The following KLHDC1 variants were observed in gnomAD, a reference collection of about 807,000 sequenced individuals.
KLHDC1 encodes kelch domain-containing protein 1.
A neutral mutation model predicts 68.3 loss-of-function variants in KLHDC1; 53 were observed. The ratio of observed to expected loss-of-function variants is 0.78; its 90% CI spans 0.62 to 0.98. KLHDC1 has a LOEUF of 0.98. Among genes scored for constraint, KLHDC1 ranks in the 50% least tolerant of loss-of-function variants. The probability of loss-of-function intolerance (pLI) is 0.00; values close to 1 mark genes in which losing one functional copy is unlikely to be tolerated. For missense variants in KLHDC1, 470 were observed against 492.3 expected (o/e 0.95, Z 0.43); for synonymous variants, 148 against 159.0 (o/e 0.93, Z 0.52).
chr14:49,725,434 A>G (rs1232395213), intron 5 of KLHDC1, among the ~76,000 whole-genome samples: 3 of 152,310 alleles, frequency 2.0e-5, no homozygotes, highest in African/African-American at 7.2e-5. Flanking sequence ...AAATTGAAAG[A>G]TTGTCAACAA....
At chr14:49,719,017 G>A (rs1304043998) in intron 4 of KLHDC1, among the ~76,000 whole-genome samples, 2 of 151,650 alleles carry the variant, frequency 1.3e-5, no homozygotes, top group Admixed American at 1.3e-4. Context: ...AACCTCAAGT[G>A]ATCAGCCTGC....
At chr14:49,728,672 T>A (rs1888729683) in intron 6 of KLHDC1, among the ~76,000 whole-genome samples, 1 of 152,190 alleles carries the variant, frequency 6.6e-6, no homozygotes, top group African/African-American at 2.4e-5. Flanking sequence ...GAAACCTTAT[T>A]TTGCTAAATA....
intron 8 of KLHDC1, among the ~76,000 whole-genome samples, chr14:49,732,236 A>G (rs1223022238): frequency 6.6e-6 from 1 of 151,488 alleles, no homozygotes; most frequent in Non-Finnish European, 1.5e-5. Flanking sequence ...GCAGTGGTGC[A>G]ATCTTGGCTC....
chr14:49,707,446 C>G (rs1401076922), intron 1 of KLHDC1, among the ~76,000 whole-genome samples: 3 of 141,088 alleles, frequency 2.1e-5, no homozygotes, highest in African/African-American at 8.0e-5. Flanking sequence ...CTCCGGGGTT[C>G]AAGCGATTCT....
intron 4 of KLHDC1, among the ~76,000 whole-genome samples, chr14:49,714,804 A>G (rs1178387035): frequency 6.7e-6 from 1 of 149,688 alleles, no homozygotes; most frequent in Non-Finnish European, 1.5e-5. Context: ...TATATGTTAT[A>G]TAACATATAC....
chr14:49,743,705 T>C (rs1265701370), intron 11 of KLHDC1, 48 bp from the exon 12 acceptor site: 1 of 1,067,548 alleles, frequency 9.4e-7, no homozygotes, highest in African/African-American at 1.6e-5. Flanking sequence ...TATTAACTCA[T>C]TGTTATTTTT....
chr14:49,698,355 C>T (rs561011809), intron 1 of KLHDC1, among the ~76,000 whole-genome samples: 2 of 151,968 alleles, frequency 1.3e-5, no homozygotes, highest in East Asian at 3.9e-4. Context: ...AGGCACACAC[C>T]ACCACGCCCA....
chr14:49,743,422 G>GAA (rs1889117395), intron 11 of KLHDC1, among the ~76,000 whole-genome samples: 16 of 146,122 alleles, frequency 1.1e-4, no homozygotes, highest in African/African-American at 4.1e-4. Flanking sequence ...AAAAAGAAAA[G>GAA]AAAACCACTA....
chr14:49,736,471 G>A (rs1245451417), intron 10 of KLHDC1, among the ~76,000 whole-genome samples: 2 of 152,186 alleles, frequency 1.3e-5, no homozygotes, highest in Non-Finnish European at 2.9e-5. Flanking sequence ...AGATAAGACA[G>A]AGGCAGATCT....
intron 1 of KLHDC1, among the ~76,000 whole-genome samples, chr14:49,696,461 G>A (rs1284567675): frequency 6.6e-6 from 1 of 152,212 alleles, no homozygotes; most frequent in Non-Finnish European, 1.5e-5. Flanking sequence ...GATTACAGGT[G>A]TGAGTCACCG....
rs1188505691 is a variant in KLHDC1, at chr14:49,713,853, T to A, written c.404+3472T>A. Among the ~76,000 whole-genome samples, 8 of 73,764 alleles carry A rather than the reference T, an allele frequency of 1.1e-4. 1 individual carries two copies. The East Asian group carries it at 2.8e-3, about 26-fold the overall frequency. The allele number at this position is 73,764 out of a possible 152,430, so 48.4% of individuals were successfully genotyped here. A position where few individuals can be genotyped will look rare whatever the true frequency, so the allele number is the denominator to read the frequency against. Reference sequence around the variant, plus strand: ...ATATATATATATATATATATATATTTTTTTTTTTTTTTTTCCTGAGACAGA... The same window carrying A: ...ATATATATATATATATATATATATTATTTTTTTTTTTTTTCCTGAGACAGA... On this transcript the variant is annotated intron_variant, in intron 4 of 12. Transcript: ENST00000359332.
intron 4 of KLHDC1, among the ~76,000 whole-genome samples, chr14:49,723,551 A>C (rs1412206147): frequency 6.6e-6 from 1 of 152,188 alleles, no homozygotes; most frequent in Non-Finnish European, 1.5e-5. Flanking sequence ...AAATAAATTA[A>C]AAAAAATCTA....
intron 1 of KLHDC1, among the ~76,000 whole-genome samples, chr14:49,698,766 T>C (rs903270705): frequency 2.6e-5 from 4 of 151,904 alleles, no homozygotes; most frequent in African/African-American, 9.7e-5. Context: ...TCAGCCCACC[T>C]CGGCCTCCCA....
intron 10 of KLHDC1, among the ~76,000 whole-genome samples, chr14:49,737,864 CA>C (rs760826908): frequency 1.4e-3 from 69 of 50,272 alleles, no homozygotes; most frequent in Middle Eastern, 0.016. Context: ...GATCCTGTCT[CA>C]AAAAAAAAAA....
intron 12 of KLHDC1, 79 bp from the exon 13 acceptor site, chr14:49,751,507 G>A: frequency 2.9e-6 from 2 of 690,126 alleles, no homozygotes; most frequent in Non-Finnish European, 4.3e-6. Flanking sequence ...TGTTAAAAAA[G>A]AAAGAATTCT....
At position 49,693,157 on chromosome 14, in the gene KLHDC1, G is replaced by A. The variant is rs937371364; in HGVS notation, c.-38G>A. On this transcript the variant is annotated 5_prime_UTR_variant, in exon 1 of 13. Coordinates refer to ENST00000359332, the MANE Select transcript of KLHDC1 (RefSeq NM_172193.3). ...AGGCGAGGCCGCCGGGCGGGCAGGG[G>A]TTGTGGCGCGGCAAGCGGCGGGCCA... is the stretch of plus-strand genomic sequence containing the variant. The A allele has an allele frequency of 1.3e-6, 2 of 1,551,590 alleles. No individual in the cohort carries two copies. The highest frequency in any genetic ancestry group is 8.7e-7 in the Non-Finnish European group (1 of 1,146,276).
At chr14:49,732,260 C>T (rs906466889) in intron 8 of KLHDC1, among the ~76,000 whole-genome samples, 2 of 152,098 alleles carry the variant, frequency 1.3e-5, no homozygotes, top group Admixed American at 1.3e-4. Flanking sequence ...GCAACCTCCA[C>T]CTCCCAGGTT....
chr14:49,726,394 C>G (rs1191479057), intron 6 of KLHDC1, among the ~76,000 whole-genome samples: 1 of 152,024 alleles, frequency 6.6e-6, no homozygotes, highest in Non-Finnish European at 1.5e-5. Context: ...ATAGTGAAAC[C>G]CTGTCTCTCA....
At chr14:49,725,891 A>G (rs10147220) in intron 6 of KLHDC1, 122 bp downstream of exon 6, 166,420 of 553,972 alleles carry the variant, frequency 0.3, 29,072 homozygotes, top group Non-Finnish European at 0.36. Context: ...TCTGTTGCCC[A>G]GGCTGGAGTA....
Sources: allele counts gnomAD v4.1 joint callset (sites outside exome capture counted in the v4.1 genomes callset), GRCh38; gene constraint gnomAD v4.1.1; transcripts MANE v1.5; gene names NCBI Gene and HGNC (gene_info 2026-07-23, HGNC 2026-07-21).